PTPRO: variants seen among roughly 807,000 people sequenced by gnomAD.
PTPRO encodes the protein receptor-type tyrosine-protein phosphatase O.
In PTPRO, 62 loss-of-function variants were observed where a neutral mutation model predicts 145.2. The observed-to-expected ratio is 0.43, with a 90% confidence interval of 0.35 to 0.53. The LOEUF (loss-of-function observed/expected upper bound fraction) is 0.53, where lower values mean the gene tolerates loss of function less well. Ranked by LOEUF, PTPRO falls within the 20% of genes least tolerant of loss-of-function variation. The probability of loss-of-function intolerance (pLI) is 0.01; values close to 1 mark genes in which losing one functional copy is unlikely to be tolerated. For missense variants in PTPRO, 1,345 were observed against 1,482.7 expected, an observed-to-expected ratio of 0.91 and a Z score of 1.53; for synonymous variants, 565 against 514.7, an observed-to-expected ratio of 1.10 and a Z score of -1.32.
intron 1 of PTPRO, among the ~76,000 whole-genome samples, chr12:15,391,174 C>T (rs1939180455): frequency 6.6e-6 from 1 of 152,118 alleles, no homozygotes; most frequent in Non-Finnish European, 1.5e-5. Flanking sequence ...ATAACACAGC[C>T]CATCCCTTGC....
intron 1 of PTPRO, among the ~76,000 whole-genome samples, chr12:15,354,279 T>C (rs1363224235): frequency 6.6e-6 from 1 of 152,220 alleles, no homozygotes; most frequent in Non-Finnish European, 1.5e-5. Context: ...AAACTTTTTA[T>C]AAAGCATCAG....
At chr12:15,527,254 G>A (rs1942859177) in intron 12 of PTPRO, among the ~76,000 whole-genome samples, 1 of 152,172 alleles carries the variant, frequency 6.6e-6, no homozygotes, top group Admixed American at 6.5e-5. Context: ...TTCCACATTC[G>A]TGACGCCTCC....
chr12:15,586,874 G>C (rs1479107824), intron 23 of PTPRO, 23 bp from the exon 24 acceptor site: 1 of 1,613,880 alleles, frequency 6.2e-7, no homozygotes, highest in Non-Finnish European at 8.5e-7. Context: ...ATTAATGCTT[G>C]TTTTTGGCTT....
chr12:15,408,584 C>T (rs374035129), intron 1 of PTPRO, among the ~76,000 whole-genome samples: 39 of 152,184 alleles, frequency 2.6e-4, no homozygotes, highest in African/African-American at 8.7e-4. Flanking sequence ...CCCACCACCA[C>T]GCTTGGCTAA....
intron 1 of PTPRO, among the ~76,000 whole-genome samples, chr12:15,324,130 T>C (rs1866378123): frequency 6.6e-6 from 1 of 152,202 alleles, no homozygotes; most frequent in Admixed American, 6.5e-5. Flanking sequence ...GCATTAGACT[T>C]ATTAGGTTGT....
At chr12:15,357,541 A>G (rs993766800) in intron 1 of PTPRO, among the ~76,000 whole-genome samples, 12 of 152,186 alleles carry the variant, frequency 7.9e-5, no homozygotes, top group African/African-American at 2.9e-4. Flanking sequence ...ATTTACAAGA[A>G]AAAAACAAAC....
intron 8 of PTPRO, 98 bp from the exon 9 acceptor site, chr12:15,516,665 G>A: frequency 9.6e-7 from 1 of 1,043,928 alleles, no homozygotes; most frequent in Non-Finnish European, 1.5e-6. Context: ...TATTGTATCA[G>A]AGAGTGAAAA....
At chr12:15,573,084 T>C (rs188950437) in intron 19 of PTPRO, among the ~76,000 whole-genome samples, 1 of 152,278 alleles carries the variant, frequency 6.6e-6, no homozygotes, top group East Asian at 1.9e-4. Context: ...GATGTTTATA[T>C]AGAACAAATA....
chr12:15,388,710 CTCTA>C (rs1253410318), intron 1 of PTPRO, among the ~76,000 whole-genome samples: 1 of 152,106 alleles, frequency 6.6e-6, no homozygotes, highest in Non-Finnish European at 1.5e-5. Context: ...TTCTAAAATG[CTCTA>C]TCTGATTAGT....
chr12:15,326,931 G>T (rs1189365513), intron 1 of PTPRO, among the ~76,000 whole-genome samples: 1 of 152,104 alleles, frequency 6.6e-6, no homozygotes, highest in Non-Finnish European at 1.5e-5. Context: ...AAATATTTTT[G>T]AAATAAAGGA....
chr12:15,356,984 T>C (rs984470038), intron 1 of PTPRO, among the ~76,000 whole-genome samples: 6 of 152,188 alleles, frequency 3.9e-5, no homozygotes, highest in African/African-American at 1.4e-4. Flanking sequence ...TTCTATTGTC[T>C]ATCCCTGCAC....
intron 20 of PTPRO, 113 bp downstream of exon 20, chr12:15,579,056 C>A: frequency 1.2e-6 from 1 of 859,018 alleles, no homozygotes; most frequent in South Asian, 1.4e-5. Context: ...GTCCGGATCT[C>A]AAGGCCACGT....
chr12:15,487,926 AT>A (rs1941923708), intron 2 of PTPRO, among the ~76,000 whole-genome samples: 1 of 152,190 alleles, frequency 6.6e-6, no homozygotes, highest in Non-Finnish European at 1.5e-5. Flanking sequence ...TTATGAATCC[AT>A]TAAACTCGGA....
chr12:15,333,268 C>T (rs1472813038), intron 1 of PTPRO, among the ~76,000 whole-genome samples: 1 of 152,188 alleles, frequency 6.6e-6, no homozygotes, highest in Non-Finnish European at 1.5e-5. Context: ...ATCCCTATCA[C>T]TCTAATATTT....
At chr12:15,369,444 C>A (rs140426805) in intron 1 of PTPRO, among the ~76,000 whole-genome samples, 2,192 of 152,206 alleles carry the variant, frequency 0.014, 42 homozygotes, top group South Asian at 0.085. Flanking sequence ...TCAGTCATAT[C>A]GTCATGGTTT....
At chr12:15,595,251 G>T (rs1433252583) in intron 26 of PTPRO, 194 bp downstream of exon 26, 2 of 564,248 alleles carry the variant, frequency 3.5e-6, no homozygotes, top group Non-Finnish European at 3.2e-6. Context: ...GAGTTTCAAT[G>T]CACCTTGGTT....
At chr12:15,478,667 T>C (rs995113950) in intron 1 of PTPRO, among the ~76,000 whole-genome samples, 2 of 152,036 alleles carry the variant, frequency 1.3e-5, no homozygotes, top group East Asian at 3.9e-4. Flanking sequence ...TAGCCTATTA[T>C]TAAATTAATT....
At chr12:15,352,352 G>T (rs1485064474) in intron 1 of PTPRO, among the ~76,000 whole-genome samples, 1 of 152,150 alleles carries the variant, frequency 6.6e-6, no homozygotes, top group Non-Finnish European at 1.5e-5. Context: ...GAGACTTAAA[G>T]AAATGGGAAG....
In PTPRO at chr12:15,546,432, C is replaced by A. The variant is rs780265312; in HGVS notation, c.2165-137C>A. 3.3e-4 allele frequency: 489 copies of A among 1,476,106 alleles called. 1 individual carries two copies. In the Middle Eastern group the frequency reaches 3.6e-3, roughly 11 times the overall value. The allele number at this position is 1,476,106 out of a possible 1,614,324, so 91.4% of individuals were successfully genotyped here. On this transcript the variant is annotated intron_variant, in intron 12 of 26. Coordinates refer to ENST00000281171, the MANE Select transcript of PTPRO (RefSeq NM_030667.3). The stretch of plus-strand genomic sequence containing the variant: ...GCTATCTTTATGAAAGGACATATTT[C>A]AAAGGCAATATAAAGTCTTTATGGT...
Sources: allele counts gnomAD v4.1 joint callset (sites outside exome capture counted in the v4.1 genomes callset), GRCh38; gene constraint gnomAD v4.1.1; transcripts MANE v1.5; gene names NCBI Gene and HGNC (gene_info 2026-07-23, HGNC 2026-07-21).